FGF14: variants seen among roughly 807,000 people sequenced by gnomAD.
FGF14 encodes fibroblast growth factor homologous factor 4.
In FGF14, 5 loss-of-function variants were observed where a neutral mutation model predicts 25.5. The observed-to-expected ratio is 0.20, with a 90% CI of 0.10 to 0.41. The LOEUF is 0.41. Ranked by LOEUF, FGF14 falls within the 10% of genes least tolerant of loss-of-function variation. FGF14 has a pLI of 1.00. For missense variants in FGF14, 222 were observed against 320.1 expected, an observed-to-expected ratio of 0.69 and a Z score of 2.34; for synonymous variants, 138 against 118.3, an observed-to-expected ratio of 1.17 and a Z score of -1.08.
At chr13:102,044,859 T>C (rs1031764153) in intron 1 of FGF14, among the ~76,000 whole-genome samples, 2 of 152,132 alleles carry the variant, frequency 1.3e-5, no homozygotes, top group Non-Finnish European at 2.9e-5. Context: ...AATGGAAATA[T>C]TGACATATGT....
intron 1 of FGF14, among the ~76,000 whole-genome samples, chr13:102,161,559 TTTCTGTGAAGAAAGAAA>T (rs2047627692): frequency 7.2e-5 from 1 of 13,896 alleles, no homozygotes; most frequent in South Asian, 7.2e-3. Context: ...TGCAACCAAC[TTTCTGTGAAGAAAGAAA>T]GAAGAAGAAG....
At chr13:102,338,218 T>C (rs1253063813) in intron 1 of FGF14, among the ~76,000 whole-genome samples, 1 of 152,240 alleles carries the variant, frequency 6.6e-6, no homozygotes, top group African/African-American at 2.4e-5. Flanking sequence ...GATTACCCAT[T>C]GTTCCTTCCC....
chr13:101,908,486 T>C (rs1049749135), intron 1 of FGF14, among the ~76,000 whole-genome samples: 2 of 152,170 alleles, frequency 1.3e-5, no homozygotes, highest in East Asian at 3.9e-4. Context: ...TAGTACTCAA[T>C]AGACACAGAG....
At chr13:102,042,990 A>C (rs1333415232) in intron 1 of FGF14, among the ~76,000 whole-genome samples, 1 of 152,208 alleles carries the variant, frequency 6.6e-6, no homozygotes, top group Non-Finnish European at 1.5e-5. Flanking sequence ...CTGGACTAAA[A>C]AATACGAATT....
chr13:101,946,130 G>C (rs1421132136), intron 1 of FGF14, among the ~76,000 whole-genome samples: 1 of 152,010 alleles, frequency 6.6e-6, no homozygotes, highest in Non-Finnish European at 1.5e-5. Flanking sequence ...GGGCAACAGG[G>C]TTCTCACTCG....
intron 1 of FGF14, among the ~76,000 whole-genome samples, chr13:102,172,865 C>T (rs1391352248): frequency 6.6e-6 from 1 of 152,116 alleles, no homozygotes; most frequent in Non-Finnish European, 1.5e-5. Context: ...GTTAACCTAC[C>T]ACATGATACT....
chr13:101,964,823 A>G (rs557985707), intron 1 of FGF14, among the ~76,000 whole-genome samples: 22 of 152,296 alleles, frequency 1.4e-4, no homozygotes, highest in South Asian at 2.1e-4. Context: ...CAGGATACAA[A>G]TAGTTGTGCA....
chr13:102,190,488 C>A (rs2140819457), intron 1 of FGF14, among the ~76,000 whole-genome samples: 1 of 152,204 alleles, frequency 6.6e-6, no homozygotes, highest in African/African-American at 2.4e-5. Context: ...CCCAGAACAG[C>A]CCCCTACAAC....
At chr13:101,962,909 T>G (rs2036954888) in intron 1 of FGF14, among the ~76,000 whole-genome samples, 1 of 152,260 alleles carries the variant, frequency 6.6e-6, no homozygotes. Flanking sequence ...TGCTTGCACC[T>G]GCACCTTGCA....
intron 3 of FGF14, among the ~76,000 whole-genome samples, chr13:101,786,954 C>A (rs1303113534): frequency 6.6e-6 from 1 of 152,162 alleles, no homozygotes; most frequent in African/African-American, 2.4e-5. Context: ...GAGGTCAACA[C>A]TGATGACTCA....
intron 1 of FGF14, among the ~76,000 whole-genome samples, chr13:102,164,793 G>T (rs2047927696): frequency 6.6e-6 from 1 of 152,156 alleles, no homozygotes; most frequent in African/African-American, 2.4e-5. Flanking sequence ...ATTGCAGAAA[G>T]TTCTATTGGA....
intron 1 of FGF14, among the ~76,000 whole-genome samples, chr13:102,053,460 A>G (rs1456988234): frequency 6.6e-6 from 1 of 152,156 alleles, no homozygotes; most frequent in Non-Finnish European, 1.5e-5. Context: ...ATTAAACAAC[A>G]TGTTCCTGAA....
At chr13:102,324,272 A>G (rs2056348784) in intron 1 of FGF14, among the ~76,000 whole-genome samples, 1 of 152,038 alleles carries the variant, frequency 6.6e-6, no homozygotes, top group Admixed American at 6.6e-5. Flanking sequence ...AGAGCCTCAT[A>G]TGTGTTGTGA....
At chr13:102,317,007 T>C (rs2056056549) in intron 1 of FGF14, among the ~76,000 whole-genome samples, 2 of 152,160 alleles carry the variant, frequency 1.3e-5, no homozygotes, top group Admixed American at 6.5e-5. Flanking sequence ...CCATTTTCCA[T>C]CTTTTTTTGG....
Position 101,916,690 on chromosome 13 carries a change from G to A in FGF14, c.-45C>T. The A allele has an allele frequency of 1.4e-6, 2 of 1,443,056 alleles. No individual in the cohort carries two copies. Among genetic ancestry groups the A allele is most frequent in the East Asian group, 2.5e-5 (1 of 39,606 alleles). 89.4% of individuals were successfully genotyped at this position (1,443,056 alleles called of 1,614,324 possible). ...CCGGGGAGGGAGGGCGCGGGAGGAC[G>A]GCGAGCCGGGGGCACCGGAGGGGAA... On this transcript the variant is annotated 5_prime_UTR_variant, in exon 1 of 5. Transcript: ENST00000376143.
chr13:102,000,037 C>T (rs1046668154), intron 1 of FGF14, among the ~76,000 whole-genome samples: 7 of 152,208 alleles, frequency 4.6e-5, no homozygotes, highest in Middle Eastern at 3.4e-3. Context: ...TCATGTTTGC[C>T]GGGCGCGGTG....
At chr13:102,048,471 A>G (rs2042086860) in intron 1 of FGF14, among the ~76,000 whole-genome samples, 1 of 152,088 alleles carries the variant, frequency 6.6e-6, no homozygotes, top group Admixed American at 6.6e-5. Context: ...TTTGGAGGTA[A>G]ATTATAATTT....
At chr13:101,957,502 A>T (rs2036584163) in intron 1 of FGF14, among the ~76,000 whole-genome samples, 1 of 152,216 alleles carries the variant, frequency 6.6e-6, no homozygotes, top group Admixed American at 6.5e-5. Flanking sequence ...TCCCCAGACC[A>T]ACAGCATTGC....
intron 1 of FGF14, among the ~76,000 whole-genome samples, chr13:102,111,303 T>C (rs1223492183): frequency 6.6e-6 from 1 of 152,230 alleles, no homozygotes; most frequent in Non-Finnish European, 1.5e-5. Context: ...TTTATATCTC[T>C]TGACAGCCTC....
Sources: allele counts gnomAD v4.1 joint callset (sites outside exome capture counted in the v4.1 genomes callset), GRCh38; gene constraint gnomAD v4.1.1; transcripts MANE v1.5; gene names NCBI Gene and HGNC (gene_info 2026-07-23, HGNC 2026-07-21).